Variants in ASB7 observed in about 807,000 individuals in gnomAD.
ASB7 encodes ankyrin repeat and SOCS box protein 7.
A neutral mutation model predicts 32.5 loss-of-function variants in ASB7; 4 were observed. The ratio of observed to expected loss-of-function variants is 0.12; its 90% confidence interval spans 0.06 to 0.28. The LOEUF (loss-of-function observed/expected upper bound fraction) is 0.28, where lower values mean the gene tolerates loss of function less well. Among genes scored for constraint, ASB7 ranks in the 10% least tolerant of loss-of-function variants. ASB7 has a pLI of 1.00. For missense variants in ASB7, 181 were observed against 407.1 expected (o/e 0.44, Z 4.78); for synonymous variants, 172 against 155.6 (o/e 1.11, Z -0.78).
At chr15:100,617,384 G>C (rs185010374) in intron 4 of ASB7, among the ~76,000 whole-genome samples, 150 of 152,226 alleles carry the variant, frequency 9.9e-4, no homozygotes, top group African/African-American at 3.4e-3. Flanking sequence ...CTGCAGCTTT[G>C]AGCCACAGCC....
chr15:100,609,317 A>C (rs2039674062), intron 2 of ASB7, among the ~76,000 whole-genome samples: 1 of 152,230 alleles, frequency 6.6e-6, no homozygotes, highest in Admixed American at 6.5e-5. Flanking sequence ...ATTCTCATTT[A>C]AGTCCTGTTT....
chr15:100,633,225 AGAATG>A (rs2039897010), intron 5 of ASB7, among the ~76,000 whole-genome samples: 1 of 151,428 alleles, frequency 6.6e-6, no homozygotes, highest in African/African-American at 2.4e-5. Context: ...AAAAAAAAAA[AGAATG>A]GAATGAATAA....
chr15:100,642,513 C>T (rs901697373), intron 5 of ASB7, among the ~76,000 whole-genome samples: 19 of 152,248 alleles, frequency 1.2e-4, no homozygotes, highest in African/African-American at 4.6e-4. Flanking sequence ...CAGCCCCAAC[C>T]AACAGGCTTC....
At chr15:100,616,888 CTA>C (rs1430124489) in intron 4 of ASB7, among the ~76,000 whole-genome samples, 3 of 152,206 alleles carry the variant, frequency 2.0e-5, no homozygotes, top group African/African-American at 7.2e-5. Context: ...GTGTAGCCAA[CTA>C]TGTGTTTAAT....
intron 5 of ASB7, among the ~76,000 whole-genome samples, chr15:100,647,277 CT>C (rs1156402541): frequency 6.6e-6 from 1 of 152,166 alleles, no homozygotes; most frequent in Non-Finnish European, 1.5e-5. Context: ...TTCAACTTGA[CT>C]TTAAGCATGT....
At chr15:100,616,438 T>A (rs2039743798) in intron 4 of ASB7, among the ~76,000 whole-genome samples, 1 of 152,210 alleles carries the variant, frequency 6.6e-6, no homozygotes, top group Non-Finnish European at 1.5e-5. Context: ...GGGTCATTAT[T>A]TGCCTTTGTT....
chr15:100,648,234 C>A, intron 5 of ASB7, 89 bp from the exon 6 acceptor site: 1 of 1,362,348 alleles, frequency 7.3e-7, no homozygotes, highest in Non-Finnish European at 9.8e-7. Context: ...ATAGAGAGAA[C>A]TTCCAGGGAA....
Position 100,629,720 on chromosome 15 carries a change from T to C in ASB7, c.495T>C (p.Cys165=). Residue 165 remains cysteine, a synonymous_variant, in exon 5 of 6, where the codon TGT becomes TGC. Coordinates refer to ENST00000332783, the MANE Select transcript of ASB7 (RefSeq NM_198243.3). This position sits in a 1 kb window ranked among gnomAD's most constrained non-coding sequence, Gnocchi z 6.8. ...QLAIIRERSS[C]VKILLDHNAN... ...CCATTATCCGAGAGAGGTCAAGCTGTGTGAAAATCCTCCTGGACCACAATG... is the reference window on the plus strand; with the variant it reads ...CCATTATCCGAGAGAGGTCAAGCTGCGTGAAAATCCTCCTGGACCACAATG... The C allele has an allele frequency of 6.2e-7, 1 of 1,614,226 alleles. No individual in the cohort carries two copies. The highest frequency in any genetic ancestry group is 8.5e-7 in the Non-Finnish European group (1 of 1,180,044).
intron 2 of ASB7, among the ~76,000 whole-genome samples, chr15:100,604,984 T>A (rs2039630455): frequency 6.6e-6 from 1 of 152,206 alleles, no homozygotes. Flanking sequence ...CTAGGACGCT[T>A]TCATTTCTAA....
At chr15:100,604,526 A>G (rs1411226135) in intron 2 of ASB7, among the ~76,000 whole-genome samples, 2 of 152,214 alleles carry the variant, frequency 1.3e-5, no homozygotes, top group East Asian at 3.8e-4. Flanking sequence ...TCTGCCCTCC[A>G]CAAAAAGAAA....
intron 5 of ASB7, among the ~76,000 whole-genome samples, chr15:100,632,547 A>G (rs900972153): frequency 6.6e-6 from 1 of 152,122 alleles, no homozygotes; most frequent in African/African-American, 2.4e-5. Flanking sequence ...AGCTTGAAAG[A>G]AGGTTGGTTG....
intron 5 of ASB7, chr15:100,630,258 T>C (rs2039874040): frequency 8.5e-7 from 1 of 1,176,972 alleles, no homozygotes; most frequent in Admixed American, 3.7e-5. Context: ...GTAATAGGGG[T>C]AGACAGTAAG....
intron 2 of ASB7, among the ~76,000 whole-genome samples, chr15:100,604,724 G>A (rs1208033987): frequency 2.0e-5 from 3 of 152,162 alleles, no homozygotes; most frequent in African/African-American, 7.2e-5. Context: ...ACTTAGGGCA[G>A]CTTTTGTATG....
At chr15:100,646,988 TA>T (rs2040001172) in intron 5 of ASB7, among the ~76,000 whole-genome samples, 1 of 149,222 alleles carries the variant, frequency 6.7e-6, no homozygotes, top group Non-Finnish European at 1.5e-5. Context: ...AACCATACAT[TA>T]AAAGCTTTGC....
intron 4 of ASB7, among the ~76,000 whole-genome samples, chr15:100,613,964 C>T (rs928884543): frequency 6.6e-6 from 1 of 152,120 alleles, no homozygotes; most frequent in Non-Finnish European, 1.5e-5. Context: ...GACACTATTA[C>T]ATGGACTCAT....
rs758881089 is a variant in ASB7 at position 100,612,262 on chromosome 15, T to G, written c.46T>G (p.Leu16Val). The G allele has an allele frequency of 6.2e-7, 1 of 1,613,880 alleles. No individual in the cohort carries two copies. Among genetic ancestry groups the G allele is most frequent in the African/African-American group, 1.3e-5 (1 of 74,880 alleles). ...AAGGAACCCTGAGCTCCAGGAAGAG[T>G]TGCAGATTCAGGCCGCGGTGGCTGC... ...CRRNPELQEE[L>V]QIQAAVAAGD... Residue 16 changes from leucine (L) to valine (V), a missense_variant, in exon 4 of 6, where the codon TTG becomes GTG. Coordinates refer to ENST00000332783, the MANE Select transcript of ASB7 (RefSeq NM_198243.3).
At chr15:100,646,873 T>C (rs1244920985) in intron 5 of ASB7, among the ~76,000 whole-genome samples, 1 of 152,212 alleles carries the variant, frequency 6.6e-6, no homozygotes, top group Non-Finnish European at 1.5e-5. Flanking sequence ...ATTCCTTTTA[T>C]CATGAGTGTC....
chr15:100,612,828 T>A (rs2039708953), intron 4 of ASB7, among the ~76,000 whole-genome samples: 1 of 152,220 alleles, frequency 6.6e-6, no homozygotes, highest in African/African-American at 2.4e-5. Context: ...CCTTTAAACA[T>A]CATGGCCTAA....
chr15:100,619,850 G>A (rs766257905), intron 4 of ASB7, among the ~76,000 whole-genome samples: 12 of 152,216 alleles, frequency 7.9e-5, no homozygotes, highest in Non-Finnish European at 1.3e-4. Context: ...GGAGAAATCC[G>A]TTGAGAAAAT....
Sources: gnomAD v4.1 joint callset for allele counts (sites outside exome capture counted in the v4.1 genomes callset) on GRCh38, gnomAD v4.1.1 for gene constraint, Gnocchi (gnomAD v3.1) non-coding constraint, MANE v1.5 for transcripts, NCBI Gene and HGNC (gene_info 2026-07-23, HGNC 2026-07-21) for gene names.